Variants in ATG16L1 observed in about 807,000 individuals in gnomAD.
ATG16L1 encodes autophagy-related protein 16-1.
Under a neutral mutation model 88.5 loss-of-function variants are expected in ATG16L1, and 37 were observed. The observed-to-expected ratio is 0.42, with a 90% confidence interval of 0.32 to 0.55. ATG16L1 has a LOEUF of 0.55. Among genes scored for constraint, ATG16L1 ranks in the 20% least tolerant of loss-of-function variants. ATG16L1 has a pLI of 0.13. For synonymous variants in ATG16L1, 301 were observed against 281.0 expected, an observed-to-expected ratio of 1.07 and a Z score of -0.71; for missense variants, 554 against 752.8, an observed-to-expected ratio of 0.74 and a Z score of 3.09.
intron 12 of ATG16L1, among the ~76,000 whole-genome samples, chr2:233,286,621 C>CATTTTTTTTTTTTTTTTTT (rs34087184): frequency 1.1e-5 from 1 of 93,290 alleles, no homozygotes; most frequent in African/African-American, 4.7e-5. Context: ...GAAGCCCAAA[C>CATTTTTTTTTTTTTTTTTT]TTTTTTTTTT....
chr2:233,279,074 A>G (rs1698558440), intron 10 of ATG16L1, among the ~76,000 whole-genome samples: 1 of 152,176 alleles, frequency 6.6e-6, no homozygotes, highest in South Asian at 2.1e-4. Flanking sequence ...GCTTCCTGGG[A>G]AGCTGAAGTG....
chr2:233,291,201 A>G (rs1192985688), intron 14 of ATG16L1, among the ~76,000 whole-genome samples: 1 of 152,146 alleles, frequency 6.6e-6, no homozygotes, highest in African/African-American at 2.4e-5. Flanking sequence ...GTGATAGATG[A>G]TGCTTTGAAA....
rs1174701857 is a variant in ATG16L1 at position 233,294,430 on chromosome 2, T to C, written c.*80T>C. 8 of 1,192,014 alleles carry C rather than the reference T, an allele frequency of 6.7e-6. No homozygotes were observed. The highest frequency in any genetic ancestry group is 9.7e-6 in the Non-Finnish European group (8 of 821,864). The allele number at this position is 1,192,014 out of a possible 1,614,324, so 73.8% of individuals were successfully genotyped here. On this transcript the variant is annotated 3_prime_UTR_variant, in exon 18 of 18. Coordinates refer to ENST00000392017, the MANE Select transcript of ATG16L1 (RefSeq NM_030803.7). ...GCTCCTGCAGCCCTGTCCTGGCAGG[T>C]GATGTGCTGGGTATAGCATGGACCT...
intron 1 of ATG16L1, among the ~76,000 whole-genome samples, chr2:233,253,500 C>T (rs1696559938): frequency 6.6e-6 from 1 of 151,756 alleles, no homozygotes; most frequent in South Asian, 2.1e-4. Flanking sequence ...CAAGCACCGC[C>T]ACGCCCAGCT....
At chr2:233,285,672 C>T (rs1423750925) in intron 12 of ATG16L1, among the ~76,000 whole-genome samples, 2 of 152,148 alleles carry the variant, frequency 1.3e-5, no homozygotes, top group South Asian at 2.1e-4. Context: ...AGAAGTCTCC[C>T]GAAAACCTTA....
chr2:233,263,273 C>G (rs1242999424), intron 3 of ATG16L1, 38 bp downstream of exon 3: 18 of 1,574,710 alleles, frequency 1.1e-5, no homozygotes, highest in Non-Finnish European at 1.6e-5. Flanking sequence ...CTTCTGCCCT[C>G]TATGAGAGTC....
intron 10 of ATG16L1, among the ~76,000 whole-genome samples, chr2:233,278,366 C>T (rs553216472): frequency 5.9e-5 from 9 of 152,096 alleles, no homozygotes; most frequent in African/African-American, 1.7e-4. Flanking sequence ...AAAGTAAGGC[C>T]GAAGAATAAG....
chr2:233,273,557 A>G (rs765730709), intron 7 of ATG16L1, 164 bp from the exon 8 acceptor site: 17 of 606,346 alleles, frequency 2.8e-5, no homozygotes, highest in Non-Finnish European at 4.1e-5. Context: ...TTCCCTTCCC[A>G]CTGTTTTCTG....
chr2:233,276,557 C>G (rs1371618160), intron 9 of ATG16L1, among the ~76,000 whole-genome samples: 7 of 152,212 alleles, frequency 4.6e-5, no homozygotes, highest in African/African-American at 1.2e-4. Flanking sequence ...TCAGTGCAGT[C>G]TCAACCTTGG....
At position 233,275,739 on chromosome 2, in the gene ATG16L1, T is replaced by C. The variant is rs767987991; in HGVS notation, c.954+961T>C. The C allele has an allele frequency of 7.9e-5, 41 of 519,160 alleles. 2 individuals are homozygous for C. The highest frequency in any genetic ancestry group is 5.7e-4 in the South Asian group (41 of 71,594). 32.2% of individuals were successfully genotyped at this position (519,160 alleles called of 1,614,324 possible). A position where few individuals can be genotyped will look rare whatever the true frequency, so the allele number is the denominator to read the frequency against. On this transcript the variant is annotated intron_variant, in intron 9 of 17. Coordinates refer to ENST00000392017, the MANE Select transcript of ATG16L1 (RefSeq NM_030803.7). ...GGGCACCTGCAGAGGTCGATGATGA[T>C]TGGTAAAAGGTCTGATTGCACTGAA...
chr2:233,256,112 G>T lies in ATG16L1; in HGVS notation c.126G>T (p.Leu42Phe), dbSNP rs770204917. 3.1e-6 allele frequency: 5 copies of T among 1,613,634 alleles called. No homozygotes were observed. The East Asian group carries it at 1.1e-4, about 36-fold the overall frequency. The change falls in exon 2 of 18, where the codon TTG becomes TTT. Residue 42 changes from leucine to phenylalanine, a missense_variant. By Grantham distance (22) the Leu-to-Phe change is conservative (BLOSUM62 0). This residue lies in a region of ATG16L1 where 101 missense variants were observed against 107.0 expected (regional missense o/e 0.94). Transcript: ENST00000392017. ...FEEIILQYNK[L>F]LEKSDLHSVL... The stretch of plus-strand genomic sequence containing the variant: ...TTTTTATTTTAATAGATAACAAATT[G>T]CTGGAAAAGTCAGATCTTCATTCAG...
intron 5 of ATG16L1, among the ~76,000 whole-genome samples, chr2:233,266,656 C>G (rs1446939129): frequency 2.0e-5 from 3 of 152,088 alleles, no homozygotes; most frequent in Non-Finnish European, 4.4e-5. Flanking sequence ...GTTAGCATAT[C>G]AAAGAGATAA....
intron 5 of ATG16L1, among the ~76,000 whole-genome samples, chr2:233,266,767 T>C (rs1281456346): frequency 6.6e-6 from 1 of 152,230 alleles, no homozygotes; most frequent in African/African-American, 2.4e-5. Flanking sequence ...GAAAATGTGC[T>C]GTACACACAC....
chr2:233,274,325 A>C (rs914161551), intron 8 of ATG16L1: 1 of 476,692 alleles, frequency 2.1e-6, no homozygotes, highest in African/African-American at 1.9e-5. Context: ...AGTTTTGCAA[A>C]AAAGACCAAA....
At chr2:233,265,803 C>T (rs749280065) in intron 5 of ATG16L1, among the ~76,000 whole-genome samples, 8 of 152,070 alleles carry the variant, frequency 5.3e-5, no homozygotes, top group Non-Finnish European at 8.8e-5. Flanking sequence ...TGCAATCCTG[C>T]TAAGTCTATT....
chr2:233,260,877 G>A (rs1222283480), intron 2 of ATG16L1, among the ~76,000 whole-genome samples: 2 of 152,128 alleles, frequency 1.3e-5, no homozygotes, highest in African/African-American at 4.8e-5. Flanking sequence ...CTTGTCTGGG[G>A]AAATCTTTGC....
intron 12 of ATG16L1, 87 bp downstream of exon 12, chr2:233,282,840 A>T (rs1302545634): frequency 8.1e-7 from 1 of 1,237,584 alleles, no homozygotes; most frequent in African/African-American, 1.5e-5. Flanking sequence ...TAATTAGGGG[A>T]CTTTGTTTTC....
rs748603306 is a variant in ATG16L1 at position 233,278,543 on chromosome 2, G to A, written c.1060+870G>A. ...ATGGTAGAGATTGCGCCATTTCACA[G>A]ATAAAGGGAATAAAACTCAGATACT... On this transcript the variant is annotated intron_variant, in intron 10 of 17. Transcript: ENST00000392017. Among the ~76,000 whole-genome samples the A allele has an allele frequency of 3.3e-5, 5 of 152,284 alleles. No individual in the cohort carries two copies. The South Asian group carries it at 1.0e-3, about 32-fold the overall frequency.
At chr2:233,256,901 C>T (rs1696823429) in intron 2 of ATG16L1, among the ~76,000 whole-genome samples, 1 of 152,016 alleles carries the variant, frequency 6.6e-6, no homozygotes, top group African/African-American at 2.4e-5. Context: ...AGGGTTTCAC[C>T]ATGTTGGCCA....
Sources: gnomAD v4.1 joint callset for allele counts (sites outside exome capture counted in the v4.1 genomes callset) on GRCh38, gnomAD v4.1.1 for gene constraint, gnomAD v4.1.1 regional missense constraint, MANE v1.5 for transcripts, NCBI Gene and HGNC (gene_info 2026-07-23, HGNC 2026-07-21) for gene names.